MAL: variants seen among roughly 807,000 people sequenced by gnomAD.
MAL encodes myelin and lymphocyte protein.
In MAL, 5 loss-of-function variants were observed where a neutral mutation model predicts 16.7. The ratio of observed to expected loss-of-function variants is 0.30; its 90% CI spans 0.16 to 0.63. MAL has a LOEUF of 0.63. Among genes scored for constraint, MAL ranks in the 30% least tolerant of loss-of-function variants. MAL has a pLI of 0.82. For missense variants in MAL, 202 were observed against 195.8 expected (o/e 1.03, Z -0.19); for synonymous variants, 96 against 85.5 (o/e 1.12, Z -0.67).
intron 1 of MAL, among the ~76,000 whole-genome samples, chr2:95,042,724 CTT>C (rs1674498346): frequency 6.6e-6 from 1 of 152,194 alleles, no homozygotes; most frequent in Non-Finnish European, 1.5e-5. Flanking sequence ...ATAATTGCCT[CTT>C]TGCACTGCCA....
intron 1 of MAL, among the ~76,000 whole-genome samples, chr2:95,035,407 T>G (rs1232403510): frequency 6.6e-6 from 1 of 150,958 alleles, no homozygotes; most frequent in Non-Finnish European, 1.5e-5. Context: ...TCCATTCAAA[T>G]GAAGACATGC....
At chr2:95,030,937 T>C (rs1674063203) in intron 1 of MAL, among the ~76,000 whole-genome samples, 1 of 152,192 alleles carries the variant, frequency 6.6e-6, no homozygotes, top group Non-Finnish European at 1.5e-5. Context: ...TTCTGCTAGA[T>C]TTCTACCTGG....
At chr2:95,026,510 GT>G (rs1673942369) in intron 1 of MAL, 1 of 135,872 alleles carries the variant, frequency 7.4e-6, no homozygotes, top group African/African-American at 2.6e-5. Context: ...GAGATGGGGG[GT>G]GGGGGGTGGG....
intron 1 of MAL, among the ~76,000 whole-genome samples, chr2:95,047,463 G>A (rs1674616773): frequency 6.6e-6 from 1 of 152,226 alleles, no homozygotes. Context: ...GCTCACGCCT[G>A]TAATCCCAAC....
In MAL at chr2:95,027,248, G is replaced by A. The variant is rs546390999; in HGVS notation, c.93+1363G>A. 7.2e-5 allele frequency among the ~76,000 whole-genome samples: 11 copies of A among 152,260 alleles called. No individual in the cohort carries two copies. The East Asian group carries it at 1.9e-3, about 27-fold the overall frequency. On this transcript the variant is annotated intron_variant, in intron 1 of 3. Coordinates refer to ENST00000309988, the MANE Select transcript of MAL (RefSeq NM_002371.4). ...GTTAGACGGGGCGATCTGATCTGCGGGAAAGGTGACCGGAGACTCCCACCC... is the reference window on the plus strand; with the variant it reads ...GTTAGACGGGGCGATCTGATCTGCGAGAAAGGTGACCGGAGACTCCCACCC...
intron 1 of MAL, among the ~76,000 whole-genome samples, chr2:95,046,007 G>A (rs914811827): frequency 3.3e-5 from 5 of 152,214 alleles, no homozygotes; most frequent in African/African-American, 4.8e-5. Context: ...AGCAGAGGAC[G>A]CTTTCTGGTC....
At chr2:95,042,221 C>T (rs1397247407) in intron 1 of MAL, among the ~76,000 whole-genome samples, 14 of 152,310 alleles carry the variant, frequency 9.2e-5, no homozygotes, top group African/African-American at 1.2e-4. Context: ...CGGCTGGCAT[C>T]GCTGGAAGGC....
intron 1 of MAL, among the ~76,000 whole-genome samples, chr2:95,038,849 CGAGTGACTGAGT>C (rs139868261): frequency 0.77 from 97,743 of 126,548 alleles, 36,441 homozygotes; most frequent in African/African-American, 0.84. Flanking sequence ...AGTGAATGAC[CGAGTGACTGAGT>C]GAGTGACTGA....
chr2:95,038,520 G>A (rs1674321890), intron 1 of MAL, among the ~76,000 whole-genome samples: 1 of 150,636 alleles, frequency 6.6e-6, no homozygotes, highest in Admixed American at 6.6e-5. Context: ...GAGTGGGTGA[G>A]TGAGTGACTG....
At chr2:95,042,568 C>A (rs997063140) in intron 1 of MAL, among the ~76,000 whole-genome samples, 37 of 152,294 alleles carry the variant, frequency 2.4e-4, no homozygotes, top group African/African-American at 8.7e-4. Flanking sequence ...AACTGGAGAC[C>A]TTTGAGATCA....
At chr2:95,050,751 G>T (rs1458588888) in intron 3 of MAL, among the ~76,000 whole-genome samples, 2 of 152,240 alleles carry the variant, frequency 1.3e-5, no homozygotes, top group East Asian at 3.9e-4. Flanking sequence ...CCTAAAAAGG[G>T]CCCCCTCAGG....
At chr2:95,048,268 C>A in intron 2 of MAL, 142 bp downstream of exon 2, 1 of 927,906 alleles carries the variant, frequency 1.1e-6, no homozygotes, top group Non-Finnish European at 1.6e-6. Context: ...TGAGCCTGCC[C>A]AGGGCTCCTG....
rs1674629062 is a variant in MAL, at chr2:95,047,993, C to T, written c.128C>T (p.Ser43Phe). 1 of 1,613,780 alleles carries T rather than the reference C, an allele frequency of 6.2e-7. No homozygotes were observed. The highest frequency in any genetic ancestry group is 8.5e-7 in the Non-Finnish European group (1 of 1,179,940). The change falls in exon 2 of 4, where the codon TCC (serine) becomes TTC (phenylalanine). Residue 43 changes from serine (S) to phenylalanine (F), a missense_variant. By Grantham distance (155) the Ser-to-Phe change is radical (BLOSUM62 -2). Coordinates refer to ENST00000309988, the MANE Select transcript of MAL (RefSeq NM_002371.4). ...FGGLVWILVASSLVPWPLVQG... is the reference protein window; with the variant it reads ...FGGLVWILVAFSLVPWPLVQG... ...GGCCTGGTGTGGATCCTGGTGGCCTCCTCCCTGGTGCCCTGGCCCCTGGTC... is the reference window on the plus strand; with the variant it reads ...GGCCTGGTGTGGATCCTGGTGGCCTTCTCCCTGGTGCCCTGGCCCCTGGTC...
At chr2:95,038,760 G>A (rs907383059) in intron 1 of MAL, among the ~76,000 whole-genome samples, 5 of 151,602 alleles carry the variant, frequency 3.3e-5, no homozygotes, top group African/African-American at 7.3e-5. Flanking sequence ...GACTGACTGA[G>A]TGAGTGACTG....
Position 95,025,796 on chromosome 2 carries a change from G to C in MAL, c.4G>C (p.Ala2Pro). The change falls in exon 1 of 4, where the codon GCC (alanine) becomes CCC (proline). Residue 2 changes from alanine (A) to proline (P), a missense_variant. Coordinates refer to ENST00000309988, the MANE Select transcript of MAL (RefSeq NM_002371.4). The surrounding 1 kb of genome is among the most constrained non-coding windows in gnomAD (Gnocchi z 5.6). M[A>P]PAAATGGSTL... ...AGGCCGACGCCAGCACGCCGTCATG[G>C]CCCCCGCAGCGGCGACGGGGGGCAG... 6.5e-7 allele frequency: 1 copy of C among 1,549,386 alleles called. No individual in the cohort carries two copies. The highest frequency in any genetic ancestry group is 8.7e-7 in the Non-Finnish European group (1 of 1,147,522).
intron 1 of MAL, among the ~76,000 whole-genome samples, chr2:95,032,195 G>A (rs1200815354): frequency 6.6e-6 from 1 of 152,374 alleles, no homozygotes; most frequent in South Asian, 2.1e-4. Context: ...GTCGGCCAGG[G>A]ACAAGGGCTG....
rs1350142326 is a variant in MAL at position 95,025,963 on chromosome 2, A to G, written c.93+78A>G. On this transcript the variant is annotated intron_variant, in intron 1 of 3. Coordinates refer to ENST00000309988, the MANE Select transcript of MAL (RefSeq NM_002371.4). The surrounding 1 kb of genome is among the most constrained non-coding windows in gnomAD (Gnocchi z 5.6). ...CTCGGGCGCCCAGCACAGCTGTCGG[A>G]CGGGATCCGCTAGCTGCGCAGGTTC... The G allele has an allele frequency of 7.8e-7, 1 of 1,284,464 alleles. No individual in the cohort carries two copies. The highest frequency in any genetic ancestry group is 1.5e-5 in the African/African-American group (1 of 66,320). 79.6% of individuals were successfully genotyped at this position (1,284,464 alleles called of 1,614,324 possible).
chr2:95,026,004 A>G (rs1673926250), intron 1 of MAL, 119 bp downstream of exon 1: 2 of 866,922 alleles, frequency 2.3e-6, no homozygotes, highest in Non-Finnish European at 3.5e-6. Context: ...GCATCGGGGC[A>G]GCAGGCGCAG....
chr2:95,039,010 GGGTGAGTC>G (rs1674352169), intron 1 of MAL, among the ~76,000 whole-genome samples: 1 of 151,670 alleles, frequency 6.6e-6, no homozygotes, highest in African/African-American at 2.4e-5. Context: ...GTGACTGAGT[GGGTGAGTC>G]AGTGACTGAG....
Sources: gnomAD v4.1 joint callset for allele counts (sites outside exome capture counted in the v4.1 genomes callset) on GRCh38, gnomAD v4.1.1 for gene constraint, Gnocchi (gnomAD v3.1) non-coding constraint, MANE v1.5 for transcripts, NCBI Gene and HGNC (gene_info 2026-07-23, HGNC 2026-07-21) for gene names.